Variants in FCHSD2 observed in about 807,000 individuals in gnomAD.
FCHSD2 encodes FCH and double SH3 domains 2.
In FCHSD2, 38 loss-of-function variants were observed where a neutral mutation model predicts 108.1. The observed-to-expected ratio is 0.35, with a 90% confidence interval of 0.27 to 0.46. FCHSD2 has a LOEUF of 0.46. Ranked by LOEUF, FCHSD2 falls within the 20% of genes least tolerant of loss-of-function variation. The pLI is 1.00. For missense variants in FCHSD2, 751 were observed against 897.8 expected, an observed-to-expected ratio of 0.84 and a Z score of 2.09; for synonymous variants, 279 against 314.7, an observed-to-expected ratio of 0.89 and a Z score of 1.20.
In FCHSD2 at chr11:72,838,224, TA is replaced by T. The variant is rs907602531; in HGVS notation, c.*566del. On this transcript the variant is annotated 3_prime_UTR_variant, in exon 20 of 20. Coordinates refer to ENST00000409418, the MANE Select transcript of FCHSD2 (RefSeq NM_014824.3). ...AGATGTGCGTTAATGCAATTGGTGC[TA>T]AATTCAGGGCAGTCCAATTTTTCCC... The T allele has an allele frequency of 7.8e-5, 12 of 153,086 alleles. No homozygotes were observed. Among genetic ancestry groups the T allele is most frequent in the African/African-American group, 2.9e-4 (12 of 41,460 alleles). 9.5% of individuals were successfully genotyped at this position (153,086 alleles called of 1,614,324 possible). A position where few individuals can be genotyped will look rare whatever the true frequency, so the allele number is the denominator to read the frequency against.
intron 3 of FCHSD2, among the ~76,000 whole-genome samples, chr11:73,033,852 T>C (rs900696031): frequency 6.6e-6 from 1 of 152,192 alleles, no homozygotes; most frequent in African/African-American, 2.4e-5. Flanking sequence ...TAACAACTAG[T>C]ATACTGTATT....
chr11:73,063,443 A>G (rs1591524476), intron 3 of FCHSD2, among the ~76,000 whole-genome samples: 1 of 152,222 alleles, frequency 6.6e-6, no homozygotes, highest in East Asian at 1.9e-4. Context: ...TAACAATATT[A>G]ACCTTAAATG....
At chr11:72,954,843 C>T (rs1168767754) in intron 8 of FCHSD2, among the ~76,000 whole-genome samples, 1 of 152,084 alleles carries the variant, frequency 6.6e-6, no homozygotes, top group Non-Finnish European at 1.5e-5. Context: ...AACCTGCCAT[C>T]AGACATCTCA....
intron 4 of FCHSD2, among the ~76,000 whole-genome samples, chr11:73,003,573 A>C (rs372280505): frequency 7.2e-6 from 1 of 139,380 alleles, no homozygotes; most frequent in Non-Finnish European, 1.5e-5. Context: ...TGCAAGCTCC[A>C]CCTCCCGGGT....
At chr11:73,099,456 C>T (rs918337552) in intron 2 of FCHSD2, among the ~76,000 whole-genome samples, 1 of 152,034 alleles carries the variant, frequency 6.6e-6, no homozygotes, top group African/African-American at 2.4e-5. Flanking sequence ...GGTATATACT[C>T]GAGAGAAAAC....
chr11:72,856,924 T>A (rs1861442778), intron 13 of FCHSD2, among the ~76,000 whole-genome samples: 1 of 152,140 alleles, frequency 6.6e-6, no homozygotes. Context: ...TACAGGCATT[T>A]AAAAAAACAG....
In FCHSD2 at chr11:73,140,141, A is replaced by G; in HGVS notation, c.22-13T>C. On this transcript the variant is annotated splice_polypyrimidine_tract_variant and intron_variant, in intron 1 of 19. Transcript: ENST00000409418. ...GTGTAACTTTCACCTAAAATATACC[A>G]TATATTTATGAAGGTCTTTTTACAA... 2.1e-6 allele frequency: 3 copies of G among 1,439,284 alleles called. No individual in the cohort carries two copies. The highest frequency in any genetic ancestry group is 2.8e-6 in the Non-Finnish European group (3 of 1,061,306). The allele number at this position is 1,439,284 out of a possible 1,614,324, so 89.2% of individuals were successfully genotyped here. A position where few individuals can be genotyped will look rare whatever the true frequency, so the allele number is the denominator to read the frequency against.
intron 3 of FCHSD2, among the ~76,000 whole-genome samples, chr11:73,040,967 G>A (rs1303876537): frequency 2.0e-5 from 3 of 152,126 alleles, no homozygotes; most frequent in African/African-American, 7.2e-5. Flanking sequence ...ATCAGTGAGT[G>A]AGAACATGTG....
At chr11:73,138,833 C>T (rs1299041718) in intron 2 of FCHSD2, among the ~76,000 whole-genome samples, 1 of 152,114 alleles carries the variant, frequency 6.6e-6, no homozygotes, top group African/African-American at 2.4e-5. Context: ...GTCTCGAACT[C>T]CTGACCTCAG....
chr11:73,132,122 A>G (rs368763998), intron 2 of FCHSD2, among the ~76,000 whole-genome samples: 3 of 152,244 alleles, frequency 2.0e-5, no homozygotes, highest in African/African-American at 7.2e-5. Flanking sequence ...AGGCAATGAC[A>G]ACTGCATCAC....
chr11:72,892,508 C>T (rs560120347), intron 10 of FCHSD2, among the ~76,000 whole-genome samples: 11 of 152,294 alleles, frequency 7.2e-5, no homozygotes, highest in Non-Finnish European at 1.6e-4. Context: ...GGCTATTAAA[C>T]AATACACAGA....
At chr11:73,014,816 A>G (rs1419292698) in intron 4 of FCHSD2, among the ~76,000 whole-genome samples, 1 of 151,996 alleles carries the variant, frequency 6.6e-6, no homozygotes, top group Non-Finnish European at 1.5e-5. Context: ...GATAATAAAT[A>G]CTTCCAAATT....
At chr11:72,840,225 G>A (rs1163616043) in intron 19 of FCHSD2, among the ~76,000 whole-genome samples, 2 of 152,146 alleles carry the variant, frequency 1.3e-5, no homozygotes, top group Non-Finnish European at 2.9e-5. Flanking sequence ...TGTCTCATTT[G>A]GGATAAAGAC....
At chr11:73,080,233 A>G (rs1189298055) in intron 3 of FCHSD2, among the ~76,000 whole-genome samples, 3 of 148,504 alleles carry the variant, frequency 2.0e-5, no homozygotes, top group Non-Finnish European at 4.5e-5. Flanking sequence ...GGAGTTCAAG[A>G]TTACACTAAG....
intron 12 of FCHSD2, among the ~76,000 whole-genome samples, chr11:72,877,945 G>A (rs1481259541): frequency 6.6e-6 from 1 of 152,136 alleles, no homozygotes; most frequent in Non-Finnish European, 1.5e-5. Flanking sequence ...GGTGGAGGCT[G>A]CAATGAGTGC....
chr11:72,889,716 A>T, intron 11 of FCHSD2, 113 bp downstream of exon 11: 1 of 660,276 alleles, frequency 1.5e-6, no homozygotes, highest in South Asian at 1.9e-5. Flanking sequence ...CTTGTCTCAA[A>T]TAAAACAAAA....
intron 2 of FCHSD2, among the ~76,000 whole-genome samples, chr11:73,106,283 T>C (rs997925230): frequency 6.6e-6 from 1 of 151,558 alleles, no homozygotes; most frequent in East Asian, 1.9e-4. Context: ...GACATAAACC[T>C]ATATCCCCAG....
At chr11:72,856,814 T>C (rs1234157156) in intron 13 of FCHSD2, among the ~76,000 whole-genome samples, 1 of 152,228 alleles carries the variant, frequency 6.6e-6, no homozygotes, top group East Asian at 1.9e-4. Flanking sequence ...CAACAGGGCA[T>C]TGTGCCACAT....
intron 8 of FCHSD2, among the ~76,000 whole-genome samples, chr11:72,925,658 C>T (rs1364579691): frequency 3.3e-5 from 5 of 152,230 alleles, no homozygotes; most frequent in Admixed American, 1.3e-4. Flanking sequence ...AACTGACGCA[C>T]GTATCCCAGG....
Sources: gnomAD v4.1 joint callset for allele counts (sites outside exome capture counted in the v4.1 genomes callset) on GRCh38, gnomAD v4.1.1 for gene constraint, MANE v1.5 for transcripts, NCBI Gene and HGNC (gene_info 2026-07-23, HGNC 2026-07-21) for gene names.